The following ATG4C variants were observed in gnomAD, a reference collection of about 807,000 sequenced individuals.
ATG4C encodes the protein autophagy related 4C cysteine peptidase.
In ATG4C, 56 loss-of-function variants were observed where a neutral mutation model predicts 57.6. The ratio of observed to expected loss-of-function variants is 0.97; its 90% confidence interval spans 0.78 to 1.21. ATG4C has a LOEUF of 1.21. ATG4C is among the 50% of genes most tolerant of loss of function. The pLI, the probability that ATG4C is intolerant of heterozygous loss-of-function variation, is 0.00. For synonymous variants in ATG4C, 157 were observed against 174.1 expected (o/e 0.90, Z 0.78); for missense variants, 595 against 529.8 (o/e 1.12, Z -1.21).
intron 1 of ATG4C, among the ~76,000 whole-genome samples, chr1:62,791,841 G>A (rs1046569588): frequency 2.6e-5 from 4 of 151,560 alleles, no homozygotes; most frequent in African/African-American, 9.7e-5. Context: ...TCTCTACTTG[G>A]GTTCCCTGTT....
intron 1 of ATG4C, among the ~76,000 whole-genome samples, chr1:62,800,356 T>C (rs1273163642): frequency 6.6e-6 from 1 of 152,188 alleles, no homozygotes; most frequent in Non-Finnish European, 1.5e-5. Flanking sequence ...GCAACTGTGG[T>C]ATAAAAATAA....
At chr1:62,801,223 CAAAA>C (rs950134225) in intron 1 of ATG4C, among the ~76,000 whole-genome samples, 2 of 151,560 alleles carry the variant, frequency 1.3e-5, no homozygotes, top group Admixed American at 6.6e-5. Context: ...GGGGTATAAA[CAAAA>C]AAAACAGAGT....
chr1:62,791,377 A>G (rs1039050977), intron 1 of ATG4C, among the ~76,000 whole-genome samples: 7 of 152,360 alleles, frequency 4.6e-5, no homozygotes, highest in Middle Eastern at 3.4e-3. Context: ...AGTAACTAAT[A>G]TAATGGGTCT....
chr1:62,819,442 T>C (rs1381267336), intron 5 of ATG4C, 107 bp downstream of exon 5: 1 of 838,382 alleles, frequency 1.2e-6, no homozygotes, highest in Admixed American at 3.6e-5. Flanking sequence ...AGTCTAACTG[T>C]ATGAGAATGT....
At chr1:62,824,865 C>T (rs541786684) in intron 6 of ATG4C, among the ~76,000 whole-genome samples, 14 of 151,942 alleles carry the variant, frequency 9.2e-5, no homozygotes, top group Non-Finnish European at 8.8e-5. Context: ...ATGAAGGTCT[C>T]GCTATGTTGC....
intron 9 of ATG4C, 95 bp downstream of exon 9, chr1:62,834,947 T>C: frequency 2.1e-6 from 2 of 954,476 alleles, no homozygotes; most frequent in East Asian, 2.6e-5. Flanking sequence ...TACGGTATTA[T>C]AACTACTGGT....
chr1:62,800,579 CTT>C (rs1270427356), intron 1 of ATG4C, among the ~76,000 whole-genome samples: 2 of 152,262 alleles, frequency 1.3e-5, no homozygotes, highest in Non-Finnish European at 2.9e-5. Context: ...TTTATAAACT[CTT>C]TTCCTTTTCT....
intron 7 of ATG4C, among the ~76,000 whole-genome samples, chr1:62,830,045 A>G (rs997893689): frequency 1.3e-5 from 2 of 152,096 alleles, no homozygotes; most frequent in Non-Finnish European, 2.9e-5. Flanking sequence ...TGGAACATCT[A>G]TTCTCAGGGT....
chr1:62,795,112 G>A (rs529089519), intron 1 of ATG4C, among the ~76,000 whole-genome samples: 4 of 152,118 alleles, frequency 2.6e-5, no homozygotes, highest in East Asian at 1.9e-4. Flanking sequence ...AGAGGTCTGC[G>A]GTGTTTTTAC....
At chr1:62,802,854 A>G (rs1255243390) in intron 1 of ATG4C, among the ~76,000 whole-genome samples, 1 of 152,188 alleles carries the variant, frequency 6.6e-6, no homozygotes, top group African/African-American at 2.4e-5. Context: ...ACTATGATGT[A>G]TAATTGGTAA....
chr1:62,807,776 C>G (rs1664929454), intron 3 of ATG4C, among the ~76,000 whole-genome samples: 1 of 152,160 alleles, frequency 6.6e-6, no homozygotes, highest in African/African-American at 2.4e-5. Flanking sequence ...CAAGTGTTTC[C>G]TTGAGTTCTG....
chr1:62,786,824 A>G (rs1664100773), intron 1 of ATG4C, among the ~76,000 whole-genome samples: 1 of 152,190 alleles, frequency 6.6e-6, no homozygotes. Flanking sequence ...AAAGGACTTG[A>G]TGTTACACAG....
At chr1:62,811,168 A>G (rs1359414198) in intron 3 of ATG4C, among the ~76,000 whole-genome samples, 1 of 152,244 alleles carries the variant, frequency 6.6e-6, no homozygotes, top group Non-Finnish European at 1.5e-5. Flanking sequence ...TTATATCACT[A>G]CTACCCTCCA....
intron 1 of ATG4C, among the ~76,000 whole-genome samples, chr1:62,802,700 G>A (rs1664722323): frequency 6.6e-6 from 1 of 152,176 alleles, no homozygotes; most frequent in Non-Finnish European, 1.5e-5. Context: ...AAGGCCGTTT[G>A]TGCTTTGGCA....
intron 10 of ATG4C, among the ~76,000 whole-genome samples, chr1:62,844,460 A>G (rs1666269719): frequency 6.6e-6 from 1 of 152,196 alleles, no homozygotes; most frequent in Non-Finnish European, 1.5e-5. Flanking sequence ...GTTTTGGGAA[A>G]CACTGTTATA....
At chr1:62,841,697 G>A (rs930223985) in intron 10 of ATG4C, 150 bp downstream of exon 10, 39 of 696,168 alleles carry the variant, frequency 5.6e-5, no homozygotes, top group Non-Finnish European at 8.1e-5. Flanking sequence ...GAAAAATAAA[G>A]CCATTTGAGG....
chr1:62,785,676 T>C lies in ATG4C; in HGVS notation c.-69+1403T>C, dbSNP rs186981864. Among the ~76,000 whole-genome samples, 1,268 of 152,254 alleles carry C rather than the reference T, an allele frequency of 8.3e-3. 37 individuals are homozygous for C. Among genetic ancestry groups the C allele is most frequent in the African/African-American group, 0.029 (1,185 of 41,544 alleles). On this transcript the variant is annotated intron_variant, in intron 1 of 10. Coordinates refer to ENST00000317868, the MANE Select transcript of ATG4C (RefSeq NM_032852.4). ...TCGTTTTCTATTCCAATTATTGCAC[T>C]AAAGAGGTTCTTATACTAAGATTAT...
intron 3 of ATG4C, among the ~76,000 whole-genome samples, chr1:62,815,912 T>C (rs1665256193): frequency 1.3e-5 from 2 of 152,172 alleles, no homozygotes; most frequent in African/African-American, 4.8e-5. Flanking sequence ...CTTGAACTCC[T>C]GACCTCAAGT....
chr1:62,845,992 A>G (rs1666316226), intron 10 of ATG4C, among the ~76,000 whole-genome samples: 1 of 152,148 alleles, frequency 6.6e-6, no homozygotes, highest in South Asian at 2.1e-4. Flanking sequence ...AGCCACTTAG[A>G]AAGTGGTGAG....
Sources: allele counts gnomAD v4.1 joint callset (sites outside exome capture counted in the v4.1 genomes callset), GRCh38; gene constraint gnomAD v4.1.1; transcripts MANE v1.5; gene names NCBI Gene and HGNC (gene_info 2026-07-23, HGNC 2026-07-21).